Variants in SPICE1 observed in about 807,000 individuals in gnomAD.
SPICE1 encodes the protein spindle and centriole associated protein 1, also known as spindle and centriole-associated protein 1.
SPICE1 carries 75 observed loss-of-function variants against 102.7 expected under a neutral mutation model. That is an observed-to-expected ratio of 0.73 (90% CI 0.61 to 0.88). SPICE1 has a LOEUF of 0.88. SPICE1 is among the 40% of genes least tolerant of loss of function. The pLI is 0.00. For synonymous variants in SPICE1, 308 were observed against 350.3 expected (o/e 0.88, Z 1.35); for missense variants, 979 against 1,020.1 (o/e 0.96, Z 0.55).
chr3:113,477,083 T>C (rs1473114997), intron 7 of SPICE1, among the ~76,000 whole-genome samples: 1 of 151,370 alleles, frequency 6.6e-6, no homozygotes, highest in Non-Finnish European at 1.5e-5. Context: ...CAAACAAATT[T>C]ACAAGAAAAA....
At chr3:113,498,020 G>A (rs1936934653) in intron 4 of SPICE1, among the ~76,000 whole-genome samples, 1 of 152,022 alleles carries the variant, frequency 6.6e-6, no homozygotes, top group South Asian at 2.1e-4. Flanking sequence ...GGGATTACAG[G>A]CACCCGCCAT....
chr3:113,480,087 G>A (rs1207657632), intron 7 of SPICE1, among the ~76,000 whole-genome samples: 1 of 152,014 alleles, frequency 6.6e-6, no homozygotes, highest in East Asian at 1.9e-4. Context: ...AGAGATTATT[G>A]GCACATCTCT....
At chr3:113,514,338 ACT>A (rs67596581) in intron 1 of SPICE1, 46,601 of 243,564 alleles carry the variant, frequency 0.19, 5,221 homozygotes, top group African/African-American at 0.31. Context: ...AGAAACAAGA[ACT>A]CTTTCCAAAC....
intron 10 of SPICE1, among the ~76,000 whole-genome samples, chr3:113,466,375 A>G (rs1576628463): frequency 6.6e-6 from 1 of 152,204 alleles, no homozygotes; most frequent in Admixed American, 6.5e-5. Context: ...TGGGAGGCCA[A>G]GGCAGGCAGA....
In SPICE1 at chr3:113,489,028, A is replaced by T. The variant is rs768537981; in HGVS notation, c.528T>A (p.Thr176=). The T allele has an allele frequency of 5.4e-5, 87 of 1,613,388 alleles. No individual in the cohort carries two copies. In the South Asian group the frequency reaches 8.9e-4, roughly 16 times the overall value. Residue 176 remains threonine (T), a synonymous_variant, in exon 7 of 18, where the codon ACT becomes ACA. Transcript: ENST00000295872. ...LNDVDGEEEG[T]VNSQSGESEN... ...CACTTTCTCCTGACTGGCTATTAAC[A>T]GTTCCTTCTTCTTCACCATCTACAT...
intron 7 of SPICE1, among the ~76,000 whole-genome samples, chr3:113,471,860 GAC>G (rs1009470466): frequency 3.3e-5 from 5 of 152,228 alleles, no homozygotes; most frequent in African/African-American, 1.2e-4. Context: ...CAGCGTGAGT[GAC>G]ACAGAAGATG....
At chr3:113,458,673 G>A (rs1039837788) in intron 12 of SPICE1, among the ~76,000 whole-genome samples, 2 of 148,864 alleles carry the variant, frequency 1.3e-5, no homozygotes, top group African/African-American at 5.0e-5. Context: ...CTGGCCGCCC[G>A]TCGTCTGGGA....
At chr3:113,480,545 T>C (rs997579113) in intron 7 of SPICE1, among the ~76,000 whole-genome samples, 2 of 152,030 alleles carry the variant, frequency 1.3e-5, no homozygotes, top group African/African-American at 4.8e-5. Flanking sequence ...AATGCAAGGA[T>C]AGCGCAATAT....
At chr3:113,486,699 A>G (rs891634474) in intron 7 of SPICE1, among the ~76,000 whole-genome samples, 5 of 151,862 alleles carry the variant, frequency 3.3e-5, no homozygotes, top group Non-Finnish European at 7.4e-5. Flanking sequence ...AATTACCCCA[A>G]TCTGATTACT....
At chr3:113,484,505 G>A (rs1936596931) in intron 7 of SPICE1, among the ~76,000 whole-genome samples, 1 of 151,732 alleles carries the variant, frequency 6.6e-6, no homozygotes, top group South Asian at 2.1e-4. Context: ...GCTTTCTCTT[G>A]TGGGCATTTA....
chr3:113,508,474 C>T (rs1242248348), intron 1 of SPICE1, among the ~76,000 whole-genome samples: 1 of 152,076 alleles, frequency 6.6e-6, no homozygotes, highest in African/African-American at 2.4e-5. Context: ...AATAGACATT[C>T]CTCCAAGGAA....
intron 13 of SPICE1, among the ~76,000 whole-genome samples, chr3:113,454,774 T>C (rs1182955305): frequency 6.6e-6 from 1 of 150,696 alleles, no homozygotes; most frequent in East Asian, 1.9e-4. Context: ...TTTATCAGAG[T>C]CACTTTATCA....
chr3:113,452,554 C>A (rs1350097053), intron 14 of SPICE1, among the ~76,000 whole-genome samples: 1 of 152,012 alleles, frequency 6.6e-6, no homozygotes, highest in African/African-American at 2.4e-5. Context: ...TGTGGTAGTA[C>A]GCACCTGTAA....
chr3:113,445,188 C>T lies in SPICE1; in HGVS notation c.*119G>A. 1 of 755,600 alleles carries T rather than the reference C, an allele frequency of 1.3e-6. No individual in the cohort carries two copies. Among genetic ancestry groups the T allele is most frequent in the East Asian group, 2.8e-5 (1 of 36,118 alleles). 46.8% of individuals were successfully genotyped at this position (755,600 alleles called of 1,614,324 possible). The stretch of plus-strand genomic sequence containing the variant: ...GCTTTATTTCTCTGTTTCATTAGTA[C>T]TAATTCACAGGATCTTTGTAGGTTT... On this transcript the variant is annotated 3_prime_UTR_variant, in exon 18 of 18. Coordinates refer to ENST00000295872, the MANE Select transcript of SPICE1 (RefSeq NM_144718.4).
chr3:113,473,182 A>G (rs191073187), intron 7 of SPICE1, among the ~76,000 whole-genome samples: 65 of 152,358 alleles, frequency 4.3e-4, no homozygotes, highest in African/African-American at 1.4e-3. Flanking sequence ...AAGAAAGGGT[A>G]TCAGCGATGG....
intron 15 of SPICE1, 49 bp downstream of exon 15, chr3:113,450,287 C>T (rs1935614730): frequency 7.5e-6 from 12 of 1,608,862 alleles, no homozygotes; most frequent in East Asian, 4.5e-5. Context: ...ATCAAGAAAA[C>T]TGAAAACCTT....
intron 7 of SPICE1, among the ~76,000 whole-genome samples, chr3:113,474,788 A>G (rs976114612): frequency 1.3e-5 from 2 of 152,218 alleles, no homozygotes; most frequent in Non-Finnish European, 2.9e-5. Context: ...CACTCAAAGC[A>G]GTGTGTAGAG....
At chr3:113,505,798 C>A (rs1026289195) in intron 2 of SPICE1, among the ~76,000 whole-genome samples, 2 of 143,654 alleles carry the variant, frequency 1.4e-5, no homozygotes, top group African/African-American at 5.4e-5. Context: ...CCTAGCTACT[C>A]AGGAGGCTAA....
intron 12 of SPICE1, chr3:113,459,818 G>A (rs1935882911): frequency 2.1e-6 from 2 of 930,770 alleles, no homozygotes; most frequent in Non-Finnish European, 2.6e-6. Flanking sequence ...GAAGGCGGAG[G>A]TTGCAGTAAG....
Sources: gnomAD v4.1 joint callset for allele counts (sites outside exome capture counted in the v4.1 genomes callset) on GRCh38, gnomAD v4.1.1 for gene constraint, MANE v1.5 for transcripts, NCBI Gene and HGNC (gene_info 2026-07-23, HGNC 2026-07-21) for gene names.